Variants in MPZL3 observed in about 807,000 individuals in gnomAD.
The protein encoded by MPZL3 is myelin protein zero like 3, also known as myelin protein zero-like protein 3.
A neutral mutation model predicts 24.8 loss-of-function variants in MPZL3; 23 were observed. The observed-to-expected ratio is 0.93, with a 90% confidence interval of 0.67 to 1.31. The LOEUF (loss-of-function observed/expected upper bound fraction) is 1.31. Among genes scored for constraint, MPZL3 ranks in the 40% most tolerant of loss-of-function variants. The pLI is 0.00. For missense variants in MPZL3, 277 were observed against 294.9 expected, an observed-to-expected ratio of 0.94 and a Z score of 0.44; for synonymous variants, 99 against 106.5, an observed-to-expected ratio of 0.93 and a Z score of 0.44.
chr11:118,243,298 G>A (rs1339680874), intron 1 of MPZL3, among the ~76,000 whole-genome samples: 1 of 152,136 alleles, frequency 6.6e-6, no homozygotes, highest in Admixed American at 6.5e-5. Flanking sequence ...AGAAGAAAAT[G>A]TTACCTCTTA....
chr11:118,239,973 A>C (rs1276157411), intron 2 of MPZL3, among the ~76,000 whole-genome samples: 1 of 152,160 alleles, frequency 6.6e-6, no homozygotes. Flanking sequence ...ACAAAATTAA[A>C]CCACATTTCC....
At chr11:118,250,963 G>A (rs1348107238) in intron 1 of MPZL3, among the ~76,000 whole-genome samples, 1 of 152,152 alleles carries the variant, frequency 6.6e-6, no homozygotes, top group Admixed American at 6.5e-5. Flanking sequence ...ATGTTTGATT[G>A]AATTATATGG....
At chr11:118,230,485 A>G (rs1949337270) in intron 5 of MPZL3, among the ~76,000 whole-genome samples, 1 of 152,158 alleles carries the variant, frequency 6.6e-6, no homozygotes, top group African/African-American at 2.4e-5. Flanking sequence ...GGCACTTCAT[A>G]AGCACTCATT....
chr11:118,248,585 G>A (rs1403543808), intron 1 of MPZL3, among the ~76,000 whole-genome samples: 1 of 151,720 alleles, frequency 6.6e-6, no homozygotes, highest in Non-Finnish European at 1.5e-5. Context: ...GGTCTTAATT[G>A]TATAGTTAAA....
At chr11:118,230,862 G>T (rs962689714) in intron 5 of MPZL3, among the ~76,000 whole-genome samples, 2 of 151,960 alleles carry the variant, frequency 1.3e-5, no homozygotes, top group African/African-American at 4.8e-5. Flanking sequence ...CTCCACTTAT[G>T]CACTAGATCC....
rs1949284970 is a variant in MPZL3, at chr11:118,227,466, T to G, written c.*2428A>C. ...GTGTCTGTACACTGCTTTGTGATCC[T>G]TCGAAGAATAAAAAGCTGTAACCCA... On this transcript the variant is annotated 3_prime_UTR_variant, in exon 6 of 6. Coordinates refer to ENST00000278949, the MANE Select transcript of MPZL3 (RefSeq NM_198275.3). 6.6e-6 allele frequency: 1 copy of G among 152,210 alleles called. No homozygotes were observed. The highest frequency in any genetic ancestry group is 2.4e-5 in the African/African-American group (1 of 41,460). The allele number at this position is 152,210 out of a possible 1,614,324, so 9.4% of individuals were successfully genotyped here.
chr11:118,235,538 A>C lies in MPZL3; in HGVS notation c.503T>G (p.Val168Gly), dbSNP rs36102742. The change falls in exon 4 of 6, where the codon GTG (valine) becomes GGG (glycine). Residue 168 changes from valine to glycine, a missense_variant. Coordinates refer to ENST00000278949, the MANE Select transcript of MPZL3 (RefSeq NM_198275.3). ...SVALLSILVF[V>G]PSAVVVALLL... ...CAGAGCAACCACCACGGCTGAGGGC[A>C]CAAAGACAAGGATGGAAAGAAGGGC... 4.6e-3 allele frequency: 7,449 copies of C among 1,614,022 alleles called. 271 individuals are homozygous for C. In the African/African-American group the frequency reaches 0.084, roughly 18 times the overall value.
chr11:118,251,337 CTA>C (rs1555113067), intron 1 of MPZL3, among the ~76,000 whole-genome samples: 2 of 151,410 alleles, frequency 1.3e-5, no homozygotes, highest in Admixed American at 1.3e-4. Context: ...TTATATTAAA[CTA>C]TTTATATTTA....
chr11:118,230,873 T>G (rs1283473104), intron 5 of MPZL3, among the ~76,000 whole-genome samples: 1 of 152,222 alleles, frequency 6.6e-6, no homozygotes, highest in Non-Finnish European at 1.5e-5. Flanking sequence ...CACTAGATCC[T>G]GGCATTACAC....
intron 1 of MPZL3, among the ~76,000 whole-genome samples, chr11:118,240,732 GACACACACACACAC>G (rs56100329): frequency 7.0e-4 from 85 of 121,626 alleles, no homozygotes; most frequent in African/African-American, 1.5e-3. Flanking sequence ...ATCCCCCGCA[GACACACACACACAC>G]ACACACACAC....
Position 118,252,232 on chromosome 11 carries a change from C to T in MPZL3, c.63G>A (p.Leu21=), listed in dbSNP as rs138107021. The T allele has an allele frequency of 6.2e-7, 1 of 1,613,876 alleles. No individual in the cohort carries two copies. The highest frequency in any genetic ancestry group is 8.5e-7 in the Non-Finnish European group (1 of 1,179,974). Reference sequence around the variant, plus strand: ...AGCCGGAGCACTCACCCTGGAAGAACAGGACGCCCAGCAGAGGGAAGAGAG... The same window carrying T: ...AGCCGGAGCACTCACCCTGGAAGAATAGGACGCCCAGCAGAGGGAAGAGAG... ...GCALFPLLGV[L]FFQGVYIVFS... is the part of the protein sequence containing the mutation. The change falls in exon 1 of 6, where the codon CTG becomes CTA. Residue 21 remains leucine (L), a synonymous_variant. Transcript: ENST00000278949.
intron 1 of MPZL3, among the ~76,000 whole-genome samples, chr11:118,247,722 T>A (rs1461691684): frequency 6.6e-6 from 1 of 151,830 alleles, no homozygotes; most frequent in East Asian, 1.9e-4. Context: ...GATCCTCCCA[T>A]CTTGGCCTCC....
intron 1 of MPZL3, among the ~76,000 whole-genome samples, chr11:118,249,208 A>C (rs146007430): frequency 6.6e-6 from 1 of 152,324 alleles, no homozygotes; most frequent in Non-Finnish European, 1.5e-5. Context: ...ACTGGAAAGA[A>C]GCACAAAAGA....
Position 118,227,891 on chromosome 11 carries a change from G to A in MPZL3, c.*2003C>T, listed in dbSNP as rs1353025893. On this transcript the variant is annotated 3_prime_UTR_variant, in exon 6 of 6. Coordinates refer to ENST00000278949, the MANE Select transcript of MPZL3 (RefSeq NM_198275.3). ...CCTGCAAAATAGTCCCCCTCACAAT[G>A]AGATCTCTATCTTCAAATCTCTGAG... 1.3e-5 allele frequency: 2 copies of A among 152,138 alleles called. No individual in the cohort carries two copies. Among genetic ancestry groups the A allele is most frequent in the African/African-American group, 2.4e-5 (1 of 41,416 alleles). 9.4% of individuals were successfully genotyped at this position (152,138 alleles called of 1,614,324 possible).
Position 118,229,784 on chromosome 11 carries a change from C to G in MPZL3, c.*110G>C. On this transcript the variant is annotated 3_prime_UTR_variant, in exon 6 of 6. Coordinates refer to ENST00000278949, the MANE Select transcript of MPZL3 (RefSeq NM_198275.3). ...CTTTACTGATGATCTCCAGGATTGT[C>G]CATCGCTATGGTCCAGGCCAGCTCC... The G allele has an allele frequency of 3.0e-6, 3 of 983,866 alleles. No homozygotes were observed. The Admixed American group carries it at 6.3e-5, about 21-fold the overall frequency. 60.9% of individuals were successfully genotyped at this position (983,866 alleles called of 1,614,324 possible). A position where few individuals can be genotyped will look rare whatever the true frequency, so the allele number is the denominator to read the frequency against.
At chr11:118,247,362 C>T (rs368920163) in intron 1 of MPZL3, among the ~76,000 whole-genome samples, 2 of 152,098 alleles carry the variant, frequency 1.3e-5, no homozygotes, top group African/African-American at 4.8e-5. Context: ...AACAGCAGAA[C>T]ATTTTTACAA....
intron 4 of MPZL3, among the ~76,000 whole-genome samples, chr11:118,234,009 A>T (rs1245540045): frequency 6.6e-6 from 1 of 152,196 alleles, no homozygotes; most frequent in Non-Finnish European, 1.5e-5. Flanking sequence ...AAAAACAAAC[A>T]AACAAAAAAT....
intron 1 of MPZL3, among the ~76,000 whole-genome samples, chr11:118,251,758 T>C (rs945503947): frequency 2.6e-5 from 4 of 152,240 alleles, no homozygotes; most frequent in South Asian, 2.1e-4. Context: ...TTTCATTTTA[T>C]AGACTACAAT....
intron 1 of MPZL3, among the ~76,000 whole-genome samples, chr11:118,251,646 C>G (rs1044082778): frequency 1.3e-5 from 2 of 152,066 alleles, no homozygotes; most frequent in African/African-American, 4.8e-5. Context: ...TATGCTCTTT[C>G]TTGTATTAAA....
Sources: gnomAD v4.1 joint callset for allele counts (sites outside exome capture counted in the v4.1 genomes callset) on GRCh38, gnomAD v4.1.1 for gene constraint, MANE v1.5 for transcripts, NCBI Gene and HGNC (gene_info 2026-07-23, HGNC 2026-07-21) for gene names.